The following SKAP1 variants were observed in gnomAD, a reference collection of about 807,000 sequenced individuals.
SKAP1 encodes src kinase associated phosphoprotein 1.
SKAP1 carries 44 observed loss-of-function variants against 58.5 expected under a neutral mutation model. The ratio of observed to expected loss-of-function variants is 0.75; its 90% CI spans 0.59 to 0.97. SKAP1 has a LOEUF of 0.97. Among genes scored for constraint, SKAP1 ranks in the 50% least tolerant of loss-of-function variants. The pLI is 0.00. For missense variants in SKAP1, 390 were observed against 435.2 expected (o/e 0.90, Z 0.92); for synonymous variants, 127 against 149.7 (o/e 0.85, Z 1.11).
chr17:48,328,948 T>A (rs746047453), intron 4 of SKAP1, among the ~76,000 whole-genome samples: 2 of 152,222 alleles, frequency 1.3e-5, no homozygotes, highest in African/African-American at 2.4e-5. Flanking sequence ...AGAGCTGTGG[T>A]CTTCAATTTG....
chr17:48,407,981 G>C (rs1340319287), intron 1 of SKAP1, among the ~76,000 whole-genome samples: 1 of 152,078 alleles, frequency 6.6e-6, no homozygotes, highest in African/African-American at 2.4e-5. Flanking sequence ...CAAGAAGAAG[G>C]AGAGAAAGCA....
At chr17:48,167,911 C>A (rs532384564) in intron 10 of SKAP1, among the ~76,000 whole-genome samples, 3 of 152,214 alleles carry the variant, frequency 2.0e-5, no homozygotes, top group African/African-American at 7.2e-5. Context: ...TTACCTAAGA[C>A]CCTTAATGTT....
At chr17:48,142,980 A>G (rs1228687288) in intron 11 of SKAP1, among the ~76,000 whole-genome samples, 1 of 145,756 alleles carries the variant, frequency 6.9e-6, no homozygotes, top group Non-Finnish European at 1.5e-5. Flanking sequence ...TAAAAAAAAA[A>G]CTTTTTTTTT....
At chr17:48,150,782 A>G (rs2063892843) in intron 11 of SKAP1, among the ~76,000 whole-genome samples, 1 of 152,224 alleles carries the variant, frequency 6.6e-6, no homozygotes, top group Admixed American at 6.5e-5. Flanking sequence ...GACAACGGGT[A>G]TTTATAGGTG....
At chr17:48,439,482 G>A in the SKAP1 span, among the ~76,000 whole-genome samples, 4 of 152,166 alleles carry the variant, frequency 2.6e-5, no homozygotes, top group African/African-American at 2.4e-5. Context: ...GTCTTGAGAC[G>A]AAAGAAAAAA....
chr17:48,137,045 C>T (rs2063709854), intron 12 of SKAP1, 184 bp downstream of exon 12: 3 of 511,402 alleles, frequency 5.9e-6, no homozygotes, highest in East Asian at 6.3e-5. Flanking sequence ...TGACACTGTC[C>T]CCAAATTTAA....
intron 3 of SKAP1, among the ~76,000 whole-genome samples, chr17:48,350,844 G>A (rs756152426): frequency 6.6e-6 from 1 of 152,060 alleles, no homozygotes; most frequent in Non-Finnish European, 1.5e-5. Flanking sequence ...GTTGTTGGAA[G>A]GAAACACATG....
chr17:48,269,200 T>C (rs764406825), intron 4 of SKAP1, among the ~76,000 whole-genome samples: 1 of 152,022 alleles, frequency 6.6e-6, no homozygotes, highest in Non-Finnish European at 1.5e-5. Context: ...GGAAGTCAAA[T>C]TATAGAAAAA....
chr17:48,306,604 A>G (rs1032215112), intron 4 of SKAP1, among the ~76,000 whole-genome samples: 8 of 152,220 alleles, frequency 5.3e-5, no homozygotes, highest in African/African-American at 1.9e-4. Context: ...TTTTAAAAAA[A>G]ATCACCCATA....
chr17:48,397,567 C>T (rs2067437406), intron 1 of SKAP1, among the ~76,000 whole-genome samples: 1 of 151,936 alleles, frequency 6.6e-6, no homozygotes, highest in Non-Finnish European at 1.5e-5. Flanking sequence ...ATAAATAAGT[C>T]ACAGAAGGTC....
At chr17:48,357,437 T>C (rs2066889062) in intron 3 of SKAP1, among the ~76,000 whole-genome samples, 2 of 152,132 alleles carry the variant, frequency 1.3e-5, no homozygotes, top group African/African-American at 4.8e-5. Flanking sequence ...GAGACCATCC[T>C]GGCTAATACG....
rs370443534 is a variant in SKAP1, at chr17:48,356,583, A to G, written c.178+7206T>C. Reference sequence around the variant, plus strand: ...ACAAGGGTCTCTGTGTGTGTGGCATATGTATTTTTTTCCTCTTTTTAAACA... The same window carrying G: ...ACAAGGGTCTCTGTGTGTGTGGCATGTGTATTTTTTTCCTCTTTTTAAACA... On this transcript the variant is annotated intron_variant, in intron 3 of 12. Coordinates refer to ENST00000336915, the MANE Select transcript of SKAP1 (RefSeq NM_003726.4). 8.5e-5 allele frequency among the ~76,000 whole-genome samples: 13 copies of G among 152,232 alleles called. No individual in the cohort carries two copies. In the East Asian group the frequency reaches 1.5e-3, roughly 18 times the overall value.
At chr17:48,287,054 T>G (rs1457004358) in intron 4 of SKAP1, among the ~76,000 whole-genome samples, 2 of 151,700 alleles carry the variant, frequency 1.3e-5, no homozygotes, top group Non-Finnish European at 2.9e-5. Context: ...CAAGATCGTG[T>G]CACTGCACTC....
intron 1 of SKAP1, among the ~76,000 whole-genome samples, chr17:48,421,121 G>C (rs752118801): frequency 5.3e-5 from 8 of 152,258 alleles, no homozygotes; most frequent in Middle Eastern, 3.4e-3. Flanking sequence ...CTCTTACCTA[G>C]AGTTCAAAAG....
chr17:48,199,429 T>G (rs2064695749), intron 4 of SKAP1, among the ~76,000 whole-genome samples: 1 of 152,144 alleles, frequency 6.6e-6, no homozygotes, highest in Non-Finnish European at 1.5e-5. Context: ...CACTGCCAGG[T>G]CTCTGTGTAT....
chr17:48,312,587 C>CTTAT (rs2066236577), intron 4 of SKAP1, among the ~76,000 whole-genome samples: 1 of 152,130 alleles, frequency 6.6e-6, no homozygotes, highest in South Asian at 2.1e-4. Flanking sequence ...CATGCAAGAG[C>CTTAT]TTATGGTCAA....
upstream of SKAP1, among the ~76,000 whole-genome samples, chr17:48,434,561 G>T (rs910038065): frequency 1.3e-5 from 2 of 152,130 alleles, no homozygotes; most frequent in African/African-American, 4.8e-5. Flanking sequence ...AAAATAAGCA[G>T]CTTCTCATAT....
chr17:48,275,212 T>C (rs1453612195), intron 4 of SKAP1, among the ~76,000 whole-genome samples: 2 of 152,194 alleles, frequency 1.3e-5, no homozygotes, highest in African/African-American at 4.8e-5. Context: ...TACTCTTAAT[T>C]TGTCCTTTCG....
At chr17:48,303,198 G>A (rs1201704298) in intron 4 of SKAP1, among the ~76,000 whole-genome samples, 2 of 152,160 alleles carry the variant, frequency 1.3e-5, no homozygotes, top group Non-Finnish European at 2.9e-5. Flanking sequence ...TACTTCACAA[G>A]CAACTTTAAA....
Sources: gnomAD v4.1 joint callset for allele counts (sites outside exome capture counted in the v4.1 genomes callset) on GRCh38, gnomAD v4.1.1 for gene constraint, MANE v1.5 for transcripts, NCBI Gene and HGNC (gene_info 2026-07-23, HGNC 2026-07-21) for gene names.